ANKRD24: variants seen among roughly 807,000 people sequenced by gnomAD.
The protein encoded by ANKRD24 is ankyrin repeat domain-containing protein 24.
ANKRD24 carries 109 observed loss-of-function variants against 127.8 expected under a neutral mutation model. The observed-to-expected ratio is 0.85, with a 90% CI of 0.73 to 1.00. The LOEUF (loss-of-function observed/expected upper bound fraction) is 1.00. Among genes scored for constraint, ANKRD24 ranks in the 50% least tolerant of loss-of-function variants. ANKRD24 has a pLI of 0.00. For synonymous variants in ANKRD24, 743 were observed against 671.1 expected (o/e 1.11, Z -1.66); for missense variants, 1,648 against 1,570.2 (o/e 1.05, Z -0.84).
chr19:4,197,304 A>G (rs953345125), intron 2 of ANKRD24, among the ~76,000 whole-genome samples: 3 of 152,078 alleles, frequency 2.0e-5, no homozygotes, highest in African/African-American at 7.3e-5. Context: ...GAATGAATGG[A>G]TGAGGCAATG....
At chr19:4,219,839 G>T in intron 19 of ANKRD24, 81 bp downstream of exon 19, 2 of 1,426,524 alleles carry the variant, frequency 1.4e-6, no homozygotes, top group Non-Finnish European at 1.9e-6. Context: ...GGTCCTCACT[G>T]CAAGGGCCTT....
At chr19:4,191,724 C>T (rs1217236176) in intron 2 of ANKRD24, among the ~76,000 whole-genome samples, 3 of 151,704 alleles carry the variant, frequency 2.0e-5, no homozygotes, top group Non-Finnish European at 2.9e-5. Context: ...TCAGATGATC[C>T]GCCTGCCTCA....
At chr19:4,223,003 T>C (rs896804764) in intron 20 of ANKRD24, among the ~76,000 whole-genome samples, 2 of 152,128 alleles carry the variant, frequency 1.3e-5, no homozygotes, top group Non-Finnish European at 2.9e-5. Context: ...TGGAGTGCAG[T>C]GGCACAATCT....
intron 2 of ANKRD24, among the ~76,000 whole-genome samples, chr19:4,193,297 CA>C (rs71166975): frequency 7.6e-4 from 69 of 90,696 alleles, no homozygotes; most frequent in South Asian, 1.3e-3. Flanking sequence ...GCGACTCCAT[CA>C]AAAAAAAAAA....
In ANKRD24 at chr19:4,207,339, A is replaced by G. The variant is rs1273630815; in HGVS notation, c.537+27A>G. The G allele has an allele frequency of 4.3e-6, 7 of 1,609,620 alleles. No individual in the cohort carries two copies. The Admixed American group carries it at 1.2e-4, about 27-fold the overall frequency. On this transcript the variant is annotated intron_variant, in intron 8 of 21. Coordinates refer to ENST00000318934, the MANE Select transcript of ANKRD24 (RefSeq NM_001393985.1). ...TAAGCTTCTGGGATCTCTTCAGGGAAGATGTTATGCTTGAGGTATGCTGCC... is the reference window on the plus strand; with the variant it reads ...TAAGCTTCTGGGATCTCTTCAGGGAGGATGTTATGCTTGAGGTATGCTGCC...
At chr19:4,189,546 C>T (rs1410381944) in intron 2 of ANKRD24, among the ~76,000 whole-genome samples, 2 of 142,962 alleles carry the variant, frequency 1.4e-5, no homozygotes, top group African/African-American at 5.0e-5. Flanking sequence ...GCCACCATGC[C>T]CGGCCCTAAG....
At chr19:4,220,486 TACTAATGATGATAACA>T (rs1427595158) in intron 19 of ANKRD24, among the ~76,000 whole-genome samples, 3 of 152,226 alleles carry the variant, frequency 2.0e-5, no homozygotes, top group African/African-American at 7.2e-5. Flanking sequence ...TCCTAAACAA[TACTAATGATGATAACA>T]ACAGCCTCCA....
intron 18 of ANKRD24, 119 bp from the exon 19 acceptor site, chr19:4,219,472 C>G: frequency 8.1e-7 from 1 of 1,227,406 alleles, no homozygotes; most frequent in South Asian, 1.6e-5. Flanking sequence ...CAGAGCAAGA[C>G]CCTGTCTTAA....
intron 19 of ANKRD24, among the ~76,000 whole-genome samples, chr19:4,220,391 G>A (rs1415553961): frequency 5.3e-5 from 8 of 152,184 alleles, no homozygotes; most frequent in Admixed American, 5.2e-4. Context: ...GGAAACAGAA[G>A]CACAGAGAGG....
chr19:4,193,846 A>AGGGAGGGAGCGAGGGAG (rs113209299), intron 2 of ANKRD24, among the ~76,000 whole-genome samples: 1 of 51,646 alleles, frequency 1.9e-5, no homozygotes, highest in Non-Finnish European at 3.1e-5. Context: ...GGAGGGAGGG[A>AGGGAGGGAGCGAGGGAG]GGAAGGAAGG....
chr19:4,192,255 C>A (rs1968425394), intron 2 of ANKRD24, among the ~76,000 whole-genome samples: 1 of 152,188 alleles, frequency 6.6e-6, no homozygotes, highest in Non-Finnish European at 1.5e-5. Context: ...TCAGGAAAAT[C>A]TCCCAAGTGG....
chr19:4,183,409 C>T, intron 1 of ANKRD24: 1 of 930,890 alleles, frequency 1.1e-6, no homozygotes, highest in Non-Finnish European at 1.3e-6. Flanking sequence ...TTGTACTGGG[C>T]ACACTGGAGA....
intron 7 of ANKRD24, among the ~76,000 whole-genome samples, chr19:4,206,164 TAAA>T (rs1568327821): frequency 9.4e-5 from 14 of 148,432 alleles, no homozygotes; most frequent in African/African-American, 3.4e-4. Context: ...AATAAATAAA[TAAA>T]TAAATAAATA....
rs1285998060 is a variant in ANKRD24, at chr19:4,216,700, G to T, written c.1540G>T (p.Glu514Ter). 1 of 1,581,582 alleles carries T rather than the reference G, an allele frequency of 6.3e-7. No individual in the cohort carries two copies. The highest frequency in any genetic ancestry group is 8.6e-7 in the Non-Finnish European group (1 of 1,164,234). ...AEALQALRQQ[E>*]TREVPREEGA... is the part of the protein sequence containing the mutation. ...GGCCCTGCAGGCCCTGAGGCAGCAGGAGACACGAGAGGTCCCCAGAGAAGA... is the reference window on the plus strand; with the variant it reads ...GGCCCTGCAGGCCCTGAGGCAGCAGTAGACACGAGAGGTCCCCAGAGAAGA... The change falls in exon 18 of 22, where the codon GAG becomes TAG. Residue 514 changes from glutamate (E) to a stop codon, truncating the protein, a stop_gained. Transcript: ENST00000318934. LOFTEE classifies it high-confidence loss of function.
chr19:4,216,970 G>A lies in ANKRD24; in HGVS notation c.1810G>A (p.Ala604Thr), dbSNP rs201285422. 6.2e-7 allele frequency: 1 copy of A among 1,612,846 alleles called. No homozygotes were observed. The highest frequency in any genetic ancestry group is 8.5e-7 in the Non-Finnish European group (1 of 1,179,486). The change falls in exon 18 of 22, where the codon GCT becomes ACT. Residue 604 changes from alanine to threonine, a missense_variant. Coordinates refer to ENST00000318934, the MANE Select transcript of ANKRD24 (RefSeq NM_001393985.1). ...AKVTETKPTG[A>T]EVREMETTEE... Reference sequence around the variant, plus strand: ...GGTCACAGAAACAAAACCCACAGGGGCTGAGGTCAGAGAAATGGAGACCAC... The same window carrying A: ...GGTCACAGAAACAAAACCCACAGGGACTGAGGTCAGAGAAATGGAGACCAC...
Position 4,199,866 on chromosome 19 carries a change from G to T in ANKRD24, c.124-9G>T, listed in dbSNP as rs769497716. 4 of 1,566,032 alleles carry T rather than the reference G, an allele frequency of 2.6e-6. No individual in the cohort carries two copies. The highest frequency in any genetic ancestry group is 3.5e-6 in the Non-Finnish European group (4 of 1,156,354). Reference sequence around the variant, plus strand: ...CACTGCCCCACGCACTTCTGGGCGTGCCCTGCAGAGTCAAGACTGGGGCAA... The same window carrying T: ...CACTGCCCCACGCACTTCTGGGCGTTCCCTGCAGAGTCAAGACTGGGGCAA... On this transcript the variant is annotated splice_polypyrimidine_tract_variant and intron_variant, in intron 3 of 21. Transcript: ENST00000318934. This position sits in a 1 kb window ranked among gnomAD's most constrained non-coding sequence, Gnocchi z 5.2.
At chr19:4,203,052 C>CTTTT in intron 7 of ANKRD24, 126 bp downstream of exon 7, 3 of 628,154 alleles carry the variant, frequency 4.8e-6, no homozygotes, top group African/African-American at 2.0e-5. Flanking sequence ...TTCTTTCTTT[C>CTTTT]TTTTTTTTTT....
At chr19:4,200,270 G>A (rs567732611) in intron 5 of ANKRD24, 99 bp downstream of exon 5, 31 of 1,278,504 alleles carry the variant, frequency 2.4e-5, no homozygotes, top group African/African-American at 4.5e-5. Context: ...AATGTTCCCC[G>A]CTGAAAAAAG....
chr19:4,187,983 G>A (rs1384108874), intron 2 of ANKRD24, among the ~76,000 whole-genome samples: 1 of 152,240 alleles, frequency 6.6e-6, no homozygotes, highest in Non-Finnish European at 1.5e-5. Context: ...GGAGCAGAGA[G>A]TGCGAGTGAG....
Sources: gnomAD v4.1 joint callset for allele counts (sites outside exome capture counted in the v4.1 genomes callset) on GRCh38, gnomAD v4.1.1 for gene constraint, Gnocchi (gnomAD v3.1) non-coding constraint, MANE v1.5 for transcripts, NCBI Gene and HGNC (gene_info 2026-07-23, HGNC 2026-07-21) for gene names.